Variants in PDE4B observed in about 807,000 individuals in gnomAD.
PDE4B encodes 3',5'-cyclic-AMP phosphodiesterase 4B.
Under a neutral mutation model 82.2 loss-of-function variants are expected in PDE4B, and 20 were observed. That is an observed-to-expected ratio of 0.24 (90% CI 0.17 to 0.35). The LOEUF (loss-of-function observed/expected upper bound fraction) is 0.35, where lower values mean the gene tolerates loss of function less well. PDE4B is among the 10% of genes least tolerant of loss of function. PDE4B has a pLI of 1.00. For synonymous variants in PDE4B, 320 were observed against 318.9 expected (o/e 1.00, Z -0.04); for missense variants, 655 against 907.2 (o/e 0.72, Z 3.57).
intron 3 of PDE4B, among the ~76,000 whole-genome samples, chr1:65,968,296 G>T (rs1008703171): frequency 6.6e-6 from 1 of 152,066 alleles, no homozygotes; most frequent in Non-Finnish European, 1.5e-5. Context: ...ATACCTAAGG[G>T]TTTCTTTTCT....
At chr1:65,912,607 C>T (rs1341911640) in intron 1 of PDE4B, among the ~76,000 whole-genome samples, 2 of 152,198 alleles carry the variant, frequency 1.3e-5, no homozygotes, top group South Asian at 2.1e-4. Flanking sequence ...CAAGCTCTAA[C>T]TACCGGTTGC....
At chr1:65,892,826 T>G (rs767780406) in intron 1 of PDE4B, among the ~76,000 whole-genome samples, 1 of 152,118 alleles carries the variant, frequency 6.6e-6, no homozygotes, top group Non-Finnish European at 1.5e-5. Flanking sequence ...CCTTCTCTTT[T>G]TTTCTACAGA....
At chr1:66,275,891 A>T (rs1655845615) in intron 7 of PDE4B, among the ~76,000 whole-genome samples, 1 of 152,180 alleles carries the variant, frequency 6.6e-6, no homozygotes. Flanking sequence ...GCTGTTGACA[A>T]GCACCAAAAG....
intron 3 of PDE4B, among the ~76,000 whole-genome samples, chr1:65,938,063 A>G (rs1460112325): frequency 1.3e-5 from 2 of 152,220 alleles, no homozygotes; most frequent in African/African-American, 2.4e-5. Context: ...TTTTATAATA[A>G]AAAAGAAAGA....
chr1:65,927,798 G>A (rs555327877), intron 3 of PDE4B, among the ~76,000 whole-genome samples: 36 of 152,126 alleles, frequency 2.4e-4, no homozygotes, highest in African/African-American at 8.2e-4. Flanking sequence ...CTTTCTCACC[G>A]TAACAGCCCT....
At chr1:66,001,379 C>A (rs1651853100) in intron 3 of PDE4B, among the ~76,000 whole-genome samples, 1 of 152,120 alleles carries the variant, frequency 6.6e-6, no homozygotes, top group East Asian at 1.9e-4. Flanking sequence ...CGATGGAGAG[C>A]AATAGTTTTG....
intron 1 of PDE4B, among the ~76,000 whole-genome samples, chr1:65,890,436 T>A (rs1462579417): frequency 6.6e-6 from 1 of 152,064 alleles, no homozygotes. Flanking sequence ...GATGAATATA[T>A]CATTAGTTTC....
intron 3 of PDE4B, among the ~76,000 whole-genome samples, chr1:65,936,478 T>C (rs1648144032): frequency 6.6e-6 from 1 of 152,180 alleles, no homozygotes; most frequent in Admixed American, 6.5e-5. Context: ...ACCCAAATAT[T>C]ATTATGCTAT....
At chr1:66,369,030 T>C in intron 16 of PDE4B, 61 bp downstream of exon 16, 1 of 1,258,838 alleles carries the variant, frequency 7.9e-7, no homozygotes, top group Non-Finnish European at 1.1e-6. Flanking sequence ...GCTGGAGGGT[T>C]CTATTTAATT....
chr1:66,135,470 T>C (rs553376977), intron 3 of PDE4B, among the ~76,000 whole-genome samples: 14 of 151,972 alleles, frequency 9.2e-5, no homozygotes, highest in African/African-American at 2.9e-4. Flanking sequence ...AAGAATAGAG[T>C]GTGAAGAATA....
chr1:66,275,576 GTTTGCT>G (rs2101762355), intron 7 of PDE4B, among the ~76,000 whole-genome samples: 1 of 152,332 alleles, frequency 6.6e-6, no homozygotes, highest in Admixed American at 6.5e-5. Context: ...GAATATGGAA[GTTTGCT>G]AAGAGACAAG....
chr1:66,064,320 G>A (rs759848715), intron 3 of PDE4B, among the ~76,000 whole-genome samples: 2 of 151,838 alleles, frequency 1.3e-5, no homozygotes, highest in Non-Finnish European at 2.9e-5. Flanking sequence ...AAGTAAAGGT[G>A]CAGAAAGTAA....
intron 3 of PDE4B, among the ~76,000 whole-genome samples, chr1:66,049,721 G>C (rs1654912033): frequency 6.6e-6 from 1 of 151,988 alleles, no homozygotes; most frequent in African/African-American, 2.4e-5. Flanking sequence ...TTGCAGTGTG[G>C]TATGGGGCTT....
intron 3 of PDE4B, among the ~76,000 whole-genome samples, chr1:66,083,161 C>T (rs771644453): frequency 3.3e-5 from 5 of 152,220 alleles, no homozygotes; most frequent in East Asian, 3.9e-4. Context: ...TCTCTGCCTG[C>T]GTGGCCACAT....
At chr1:66,161,984 G>A (rs190665858) in intron 3 of PDE4B, among the ~76,000 whole-genome samples, 334 of 152,114 alleles carry the variant, frequency 2.2e-3, no homozygotes, top group Admixed American at 5.6e-3. Flanking sequence ...TAAACTTTTA[G>A]TAAGTATTAA....
At chr1:66,239,634 G>A (rs930530718) in intron 3 of PDE4B, among the ~76,000 whole-genome samples, 1 of 152,152 alleles carries the variant, frequency 6.6e-6, no homozygotes, top group Non-Finnish European at 1.5e-5. Flanking sequence ...TATGAAGAGG[G>A]AATGTTTACA....
chr1:65,876,071 G>A (rs1395030715), intron 1 of PDE4B, among the ~76,000 whole-genome samples: 2 of 152,068 alleles, frequency 1.3e-5, no homozygotes, highest in Non-Finnish European at 2.9e-5. Context: ...TTGATATAAG[G>A]TTGTGGGGGC....
At chr1:65,973,824 T>C (rs1650271860) in intron 3 of PDE4B, among the ~76,000 whole-genome samples, 1 of 152,138 alleles carries the variant, frequency 6.6e-6, no homozygotes, top group Non-Finnish European at 1.5e-5. Context: ...TTTTTTTCTT[T>C]TTTCTCTTGA....
intron 3 of PDE4B, among the ~76,000 whole-genome samples, chr1:66,176,542 G>A (rs1646935345): frequency 6.6e-6 from 1 of 152,168 alleles, no homozygotes. Context: ...TCAAATATAA[G>A]TGCAGATTAT....
Sources: gnomAD v4.1 joint callset for allele counts (sites outside exome capture counted in the v4.1 genomes callset) on GRCh38, gnomAD v4.1.1 for gene constraint, MANE v1.5 for transcripts, NCBI Gene and HGNC (gene_info 2026-07-23, HGNC 2026-07-21) for gene names.